The following GRIK4 variants were observed in gnomAD, a reference collection of about 807,000 sequenced individuals.
GRIK4 encodes glutamate receptor ionotropic, kainate 4.
In GRIK4, 40 loss-of-function variants were observed where a neutral mutation model predicts 104.9. That is an observed-to-expected ratio of 0.38 (90% CI 0.30 to 0.50). The LOEUF (loss-of-function observed/expected upper bound fraction) is 0.50, where lower values mean the gene tolerates loss of function less well. GRIK4 is among the 20% of genes least tolerant of loss of function. The pLI is 0.93. For missense variants in GRIK4, 1,047 were observed against 1,308.1 expected (o/e 0.80, Z 3.08); for synonymous variants, 485 against 524.9 (o/e 0.92, Z 1.04).
chr11:120,789,493 C>T (rs967736502), intron 3 of GRIK4, among the ~76,000 whole-genome samples: 4 of 152,092 alleles, frequency 2.6e-5, no homozygotes, highest in African/African-American at 9.7e-5. Context: ...ATTTCTCTTT[C>T]CTGGACTATT....
At position 120,549,397 on chromosome 11, in the gene GRIK4, C is replaced by T. The variant is rs1459270098; in HGVS notation, c.-159+37510C>T. The stretch of plus-strand genomic sequence containing the variant: ...CTGGAATTATAGGCGTGAGCCACCG[C>T]GCCCGGCCTTGGCTGTTCTTTAATA... On this transcript the variant is annotated intron_variant, in intron 1 of 20. Coordinates refer to ENST00000527524, the MANE Select transcript of GRIK4 (RefSeq NM_014619.5). The surrounding 1 kb of genome is among the most constrained non-coding windows in gnomAD (Gnocchi z 4.7). Among the ~76,000 whole-genome samples, 3 of 152,298 alleles carry T rather than the reference C, an allele frequency of 2.0e-5. No individual in the cohort carries two copies. The highest frequency in any genetic ancestry group is 2.1e-4 in the South Asian group (1 of 4,820).
intron 3 of GRIK4, among the ~76,000 whole-genome samples, chr11:120,678,630 T>TG (rs1272616756): frequency 2.0e-5 from 3 of 151,756 alleles, no homozygotes; most frequent in Non-Finnish European, 2.9e-5. Flanking sequence ...GTTTTTTTTT[T>TG]TTTGTTTTAG....
At chr11:120,955,268 C>T (rs1208725632) in intron 15 of GRIK4, among the ~76,000 whole-genome samples, 5 of 152,224 alleles carry the variant, frequency 3.3e-5, no homozygotes, top group Non-Finnish European at 7.3e-5. Context: ...TGCCAGCCAG[C>T]TCCTCGGGAC....
chr11:120,735,998 A>C (rs138028691), intron 3 of GRIK4, among the ~76,000 whole-genome samples: 8 of 152,218 alleles, frequency 5.3e-5, no homozygotes, highest in Non-Finnish European at 8.8e-5. Context: ...GGACTCAGGG[A>C]TCCCAAGAGC....
intron 3 of GRIK4, among the ~76,000 whole-genome samples, chr11:120,707,505 T>C (rs538731800): frequency 6.6e-6 from 1 of 152,218 alleles, no homozygotes; most frequent in East Asian, 1.9e-4. Context: ...CTGGCAAGGG[T>C]AAAGGGAGTA....
At chr11:120,628,939 A>T (rs1246968954) in intron 1 of GRIK4, among the ~76,000 whole-genome samples, 1 of 152,204 alleles carries the variant, frequency 6.6e-6, no homozygotes, top group African/African-American at 2.4e-5. Flanking sequence ...GTGCTAGGAC[A>T]CTCAGAGTGG....
intron 3 of GRIK4, among the ~76,000 whole-genome samples, chr11:120,698,839 C>T (rs947270589): frequency 6.6e-6 from 1 of 152,202 alleles, no homozygotes; most frequent in Non-Finnish European, 1.5e-5. Context: ...GCCCAGTTAC[C>T]CCCACTCTAA....
intron 1 of GRIK4, among the ~76,000 whole-genome samples, chr11:120,574,491 T>G (rs1948451961): frequency 6.6e-6 from 1 of 152,208 alleles, no homozygotes; most frequent in Admixed American, 6.5e-5. Context: ...CCTGGCTCAC[T>G]CTCCTTCATT....
rs906543927 is a variant in GRIK4 at position 120,829,076 on chromosome 11, C to A, written c.512-2776C>A. 2.6e-5 allele frequency among the ~76,000 whole-genome samples: 4 copies of A among 152,152 alleles called. No individual in the cohort carries two copies. In the East Asian group the frequency reaches 7.7e-4, roughly 29 times the overall value. ...AATCCCAGGGAATTTGGCCTCTTTC[C>A]CAGTCAGGCTCCAAAGATTCTTCAT... On this transcript the variant is annotated intron_variant, in intron 6 of 20. Transcript: ENST00000527524.
At chr11:120,805,149 G>T (rs929885685) in intron 4 of GRIK4, among the ~76,000 whole-genome samples, 1 of 152,186 alleles carries the variant, frequency 6.6e-6, no homozygotes, top group Non-Finnish European at 1.5e-5. Context: ...AGATTTCCCA[G>T]TATCTTGCAA....
intron 3 of GRIK4, among the ~76,000 whole-genome samples, chr11:120,747,359 C>T (rs117914732): frequency 5.3e-5 from 8 of 152,300 alleles, no homozygotes; most frequent in East Asian, 3.9e-4. Context: ...GCCAGACCTG[C>T]GCATCCCCAG....
chr11:120,593,282 A>ACTGC (rs564840817), intron 1 of GRIK4, among the ~76,000 whole-genome samples: 107 of 151,468 alleles, frequency 7.1e-4, no homozygotes, highest in African/African-American at 2.5e-3. Context: ...GTGGGCATAC[A>ACTGC]CTGCCTCCAC....
intron 13 of GRIK4, among the ~76,000 whole-genome samples, chr11:120,909,927 A>G (rs1307359360): frequency 6.6e-6 from 1 of 152,210 alleles, no homozygotes; most frequent in Non-Finnish European, 1.5e-5. Context: ...TTAATCTGCA[A>G]TGCAACAGTG....
At chr11:120,538,696 C>G (rs1948003122) in intron 1 of GRIK4, among the ~76,000 whole-genome samples, 1 of 152,178 alleles carries the variant, frequency 6.6e-6, no homozygotes, top group Non-Finnish European at 1.5e-5. Flanking sequence ...TGGCAGCCCT[C>G]CTGGGTAACT....
chr11:120,626,676 CTCTGCCTGAACGCCCCAT>C (rs796448637), intron 1 of GRIK4, among the ~76,000 whole-genome samples: 9 of 152,276 alleles, frequency 5.9e-5, no homozygotes, highest in African/African-American at 1.9e-4. Flanking sequence ...GCATCTGTTC[CTCTGCCTGAACGCCCCAT>C]TTGGATCCAA....
chr11:120,924,831 T>C (rs1323535670), intron 13 of GRIK4, among the ~76,000 whole-genome samples: 3 of 152,230 alleles, frequency 2.0e-5, no homozygotes, highest in African/African-American at 7.2e-5. Context: ...TACACCTTTA[T>C]CACCCAGGAA....
chr11:120,627,315 C>T (rs7924948), intron 1 of GRIK4, among the ~76,000 whole-genome samples: 75,974 of 152,152 alleles, frequency 0.5, 19,536 homozygotes, highest in African/African-American at 0.6. Flanking sequence ...TTTCCCGGTC[C>T]TCTCCAAAGG....
chr11:120,751,916 T>C (rs9667927), intron 3 of GRIK4, among the ~76,000 whole-genome samples: 24,209 of 152,078 alleles, frequency 0.16, 3,201 homozygotes, highest in African/African-American at 0.36. Flanking sequence ...GGAGGGGATC[T>C]CAGGAATCTG....
At position 120,875,233 on chromosome 11, in the gene GRIK4, GT is replaced by G; in HGVS notation, c.1158del (p.Arg387GlyfsTer43). On this transcript the variant is annotated frameshift_variant, in exon 11 of 21. Transcript: ENST00000527524. LOFTEE classifies it high-confidence loss of function. ...AAAATCTTACAGTTCACAAGGAATG[GT>G]TTTCGGCAGGTAAGCCTAGCTGCAC... ...ALKILQFTRN[G>X]FRQIGQWHVA... 2 of 1,608,222 alleles carry G rather than the reference GT, an allele frequency of 1.2e-6. No homozygotes were observed. Among genetic ancestry groups the G allele is most frequent in the Non-Finnish European group, 1.7e-6 (2 of 1,174,600 alleles).
Sources: allele counts gnomAD v4.1 joint callset (sites outside exome capture counted in the v4.1 genomes callset), GRCh38; gene constraint gnomAD v4.1.1; non-coding constraint Gnocchi (gnomAD v3.1); transcripts MANE v1.5; gene names NCBI Gene and HGNC (gene_info 2026-07-23, HGNC 2026-07-21).